ATG10: variants seen among roughly 807,000 people sequenced by gnomAD.
ATG10 encodes the protein ubiquitin-like-conjugating enzyme ATG10.
ATG10 carries 30 observed loss-of-function variants against 32.1 expected under a neutral mutation model. That is an observed-to-expected ratio of 0.94 (90% CI 0.70 to 1.27). The LOEUF (loss-of-function observed/expected upper bound fraction) is 1.27, where lower values mean the gene tolerates loss of function less well. Among genes scored for constraint, ATG10 ranks in the 50% most tolerant of loss-of-function variants. The probability of loss-of-function intolerance (pLI) is 0.00; values close to 1 mark genes in which losing one functional copy is unlikely to be tolerated. For missense variants in ATG10, 233 were observed against 262.3 expected, an observed-to-expected ratio of 0.89 and a Z score of 0.77; for synonymous variants, 87 against 91.5, an observed-to-expected ratio of 0.95 and a Z score of 0.28.
At chr5:82,129,696 T>G (rs1766437897) in intron 3 of ATG10, among the ~76,000 whole-genome samples, 1 of 152,108 alleles carries the variant, frequency 6.6e-6, no homozygotes, top group Non-Finnish European at 1.5e-5. Context: ...AAAGATTGCT[T>G]CCTGTTCCTT....
In ATG10 at chr5:82,070,923, C is replaced by T. The variant is rs148814327; in HGVS notation, c.216+12321C>T. On this transcript the variant is annotated intron_variant, in intron 3 of 7. Coordinates refer to ENST00000282185, the MANE Select transcript of ATG10 (RefSeq NM_031482.5). ...AAGTTACTAGTTACCTTACAATCAC[C>T]ACATCTAATGGCTTCATCTTTCTTG... Among the ~76,000 whole-genome samples, 7 of 152,230 alleles carry T rather than the reference C, an allele frequency of 4.6e-5. No individual in the cohort carries two copies. In the East Asian group the frequency reaches 9.6e-4, roughly 21 times the overall value.
At chr5:82,084,001 G>C (rs1193175778) in intron 3 of ATG10, among the ~76,000 whole-genome samples, 1 of 152,210 alleles carries the variant, frequency 6.6e-6, no homozygotes, top group Non-Finnish European at 1.5e-5. Flanking sequence ...GAGAGAAGAA[G>C]GCTTCAGACG....
intron 3 of ATG10, among the ~76,000 whole-genome samples, chr5:82,063,497 T>A (rs1307532671): frequency 6.6e-6 from 1 of 151,360 alleles, no homozygotes; most frequent in African/African-American, 2.4e-5. Context: ...GCTAACAATT[T>A]TTTTTTTTTT....
At chr5:82,076,938 A>G in intron 3 of ATG10, among the ~76,000 whole-genome samples, 1 of 152,184 alleles carries the variant, frequency 6.6e-6, no homozygotes, top group East Asian at 1.9e-4. Context: ...CCATTGGTTT[A>G]GGCTTTTGGT....
intron 2 of ATG10, among the ~76,000 whole-genome samples, chr5:82,001,628 A>G (rs1183956838): frequency 6.6e-6 from 1 of 152,146 alleles, no homozygotes; most frequent in Non-Finnish European, 1.5e-5. Flanking sequence ...CCCTTACACC[A>G]TATAAAAAAT....
At chr5:82,067,113 A>T (rs1242545734) in intron 3 of ATG10, among the ~76,000 whole-genome samples, 1 of 152,168 alleles carries the variant, frequency 6.6e-6, no homozygotes, top group Admixed American at 6.5e-5. Flanking sequence ...ATAACTGTGA[A>T]TGTAGCAGAC....
At chr5:82,137,921 G>T (rs1048427520) in intron 3 of ATG10, among the ~76,000 whole-genome samples, 2 of 152,194 alleles carry the variant, frequency 1.3e-5, no homozygotes, top group Admixed American at 6.5e-5. Context: ...CAGATGCCCT[G>T]CCCAGAGAGG....
At chr5:82,165,200 C>T (rs978626376) in intron 4 of ATG10, among the ~76,000 whole-genome samples, 2 of 152,168 alleles carry the variant, frequency 1.3e-5, no homozygotes, top group Admixed American at 6.5e-5. Flanking sequence ...CTGCCTAAAC[C>T]GGGTCAGCAT....
At chr5:82,069,840 A>G (rs992142990) in intron 3 of ATG10, among the ~76,000 whole-genome samples, 1 of 152,124 alleles carries the variant, frequency 6.6e-6, no homozygotes, top group African/African-American at 2.4e-5. Context: ...TAATAATTTT[A>G]CCTTAAAGCA....
At chr5:82,181,092 T>C (rs571987348) in intron 5 of ATG10, among the ~76,000 whole-genome samples, 1 of 152,280 alleles carries the variant, frequency 6.6e-6, no homozygotes, top group Admixed American at 6.5e-5. Context: ...CTCCCTATCG[T>C]AGTACGGTAT....
At chr5:82,104,975 T>A (rs183286247) in intron 3 of ATG10, among the ~76,000 whole-genome samples, 2 of 152,140 alleles carry the variant, frequency 1.3e-5, no homozygotes, top group Non-Finnish European at 2.9e-5. Context: ...TTGTGATCAG[T>A]TTATGCTGCA....
chr5:81,993,360 C>CTTTCTTTCCTTCT lies in ATG10; in HGVS notation c.108+5684_108+5685insTCTTTCCTTCTTT. ...CCTTCTTTCTTTCTTTCTTTCTTTC[C>CTTTCTTTCCTTCT]TTCTTTTCTTTTCTTTTCTTTTCTT... is the stretch of plus-strand genomic sequence containing the variant. On this transcript the variant is annotated intron_variant, in intron 2 of 7. Coordinates refer to ENST00000282185, the MANE Select transcript of ATG10 (RefSeq NM_031482.5). Among the ~76,000 whole-genome samples the CTTTCTTTCCTTCT allele has an allele frequency of 2.6e-4, 12 of 46,770 alleles. 1 individual carries two copies. Among genetic ancestry groups the CTTTCTTTCCTTCT allele is most frequent in the African/African-American group, 5.5e-4 (6 of 10,964 alleles). 30.7% of individuals were successfully genotyped at this position (46,770 alleles called of 152,430 possible).
intron 5 of ATG10, among the ~76,000 whole-genome samples, chr5:82,242,353 A>G (rs1411165880): frequency 6.6e-6 from 1 of 152,132 alleles, no homozygotes; most frequent in Non-Finnish European, 1.5e-5. Flanking sequence ...GAAATAGTAA[A>G]TATGATAACA....
chr5:82,045,042 T>G (rs1223166163), intron 2 of ATG10, among the ~76,000 whole-genome samples: 1 of 152,208 alleles, frequency 6.6e-6, no homozygotes, highest in African/African-American at 2.4e-5. Context: ...ATCCCTGTAG[T>G]GTGGCCTAGA....
chr5:82,057,174 CT>C (rs974273240), intron 2 of ATG10, among the ~76,000 whole-genome samples: 22 of 152,288 alleles, frequency 1.4e-4, no homozygotes, highest in Middle Eastern at 3.4e-3. Flanking sequence ...GTGCAGCCCC[CT>C]GAGTGAGAGC....
intron 2 of ATG10, among the ~76,000 whole-genome samples, chr5:82,011,710 G>C (rs1389493688): frequency 2.0e-5 from 3 of 152,186 alleles, no homozygotes; most frequent in Non-Finnish European, 4.4e-5. Context: ...TGTGGGTTGG[G>C]GAGCACATTC....
chr5:82,167,587 A>G (rs944493075), intron 4 of ATG10, among the ~76,000 whole-genome samples: 1 of 152,226 alleles, frequency 6.6e-6, no homozygotes, highest in African/African-American at 2.4e-5. Context: ...CAAACCATCT[A>G]TGTATCTTTA....
intron 3 of ATG10, among the ~76,000 whole-genome samples, chr5:82,128,308 A>G (rs1766364604): frequency 1.3e-5 from 2 of 151,384 alleles, no homozygotes; most frequent in South Asian, 2.1e-4. Context: ...ATATTGTTAT[A>G]TGTGAATTTG....
At chr5:82,169,548 ACT>A (rs1211045002) in intron 4 of ATG10, among the ~76,000 whole-genome samples, 3 of 152,094 alleles carry the variant, frequency 2.0e-5, no homozygotes, top group South Asian at 2.1e-4. Context: ...GGCAAAAACG[ACT>A]CTAGTTAATT....
Sources: gnomAD v4.1 joint callset for allele counts (sites outside exome capture counted in the v4.1 genomes callset) on GRCh38, gnomAD v4.1.1 for gene constraint, MANE v1.5 for transcripts, NCBI Gene and HGNC (gene_info 2026-07-23, HGNC 2026-07-21) for gene names.